The following NLRP11 variants were observed in gnomAD, a reference collection of about 807,000 sequenced individuals.
The protein encoded by NLRP11 is NLR family pyrin domain containing 11.
A neutral mutation model predicts 79.3 loss-of-function variants in NLRP11; 53 were observed. The ratio of observed to expected loss-of-function variants is 0.67; its 90% CI spans 0.54 to 0.84. The LOEUF is 0.84. Ranked by LOEUF, NLRP11 falls within the 40% of genes least tolerant of loss-of-function variation. The pLI is 0.00. For synonymous variants in NLRP11, 518 were observed against 462.6 expected, an observed-to-expected ratio of 1.12 and a Z score of -1.54; for missense variants, 1,264 against 1,255.0, an observed-to-expected ratio of 1.01 and a Z score of -0.11.
chr19:55,795,607 A>G lies in NLRP11; in HGVS notation c.2342+473T>C, dbSNP rs555069442. Among the ~76,000 whole-genome samples, 30 of 152,166 alleles carry G rather than the reference A, an allele frequency of 2.0e-4. No individual in the cohort carries two copies. In the East Asian group the frequency reaches 5.8e-3, roughly 29 times the overall value. On this transcript the variant is annotated intron_variant, in intron 6 of 9. Transcript: ENST00000589093. ...CGGGTTCAAGCAAGTCTCTTGCCTC[A>G]GCCTCTCAAGCAGCTGGGACTACAG...
chr19:55,795,780 G>A lies in NLRP11; in HGVS notation c.2342+300C>T, dbSNP rs1396314831. ...TGGAATTACAGGCGTGAGCCACCGCGTCCGGCCGTGACCACCATTTTTAAC... is the reference window on the plus strand; with the variant it reads ...TGGAATTACAGGCGTGAGCCACCGCATCCGGCCGTGACCACCATTTTTAAC... On this transcript the variant is annotated intron_variant, in intron 6 of 9. Transcript: ENST00000589093. Among the ~76,000 whole-genome samples the A allele has an allele frequency of 3.3e-5, 5 of 152,024 alleles. 1 individual carries two copies. Among genetic ancestry groups the A allele is most frequent in the African/African-American group, 4.8e-5 (2 of 41,386 alleles).
intron 4 of NLRP11, 81 bp downstream of exon 4, chr19:55,807,772 T>C (rs1215665938): frequency 1.1e-6 from 1 of 940,958 alleles, no homozygotes; most frequent in East Asian, 2.4e-5. Flanking sequence ...GTGTTTTGTA[T>C]ATTGTCTTCT....
intron 2 of NLRP11, among the ~76,000 whole-genome samples, chr19:55,812,734 T>G (rs1440942539): frequency 6.6e-6 from 1 of 152,110 alleles, no homozygotes; most frequent in Non-Finnish European, 1.5e-5. Context: ...CTGAAGCTCT[T>G]TCTTGAGAAT....
chr19:55,834,764 C>A (rs1181208167), upstream of NLRP11, among the ~76,000 whole-genome samples: 1 of 152,120 alleles, frequency 6.6e-6, no homozygotes, highest in Admixed American at 6.6e-5. Context: ...CATTTAAATA[C>A]CGTGAGGCAA....
intron 4 of NLRP11, 37 bp from the exon 5 acceptor site, chr19:55,801,776 G>A (rs776825211): frequency 1.0e-5 from 16 of 1,572,506 alleles, no homozygotes; most frequent in Admixed American, 1.7e-5. Context: ...CACTAGTGAA[G>A]GTCTGAACAT....
At chr19:55,790,135 G>A (rs10451453) in intron 7 of NLRP11, among the ~76,000 whole-genome samples, 19,298 of 152,136 alleles carry the variant, frequency 0.13, 1,325 homozygotes, top group Non-Finnish European at 0.16. Context: ...TGTCAATGAG[G>A]TGACATTGAC....
intron 1 of NLRP11, 138 bp from the exon 2 acceptor site, chr19:55,818,374 T>C: frequency 1.8e-6 from 1 of 568,436 alleles, no homozygotes; most frequent in Non-Finnish European, 3.1e-6. Flanking sequence ...GAACTCTTTC[T>C]GTCTGGGTCA....
chr19:55,796,321 A>T, intron 5 of NLRP11, 71 bp from the exon 6 acceptor site: 1 of 1,270,990 alleles, frequency 7.9e-7, no homozygotes, highest in East Asian at 2.4e-5. Context: ...ATTAAAAAAA[A>T]AAAAAAAGAG....
chr19:55,807,497 C>T (rs960267994), intron 4 of NLRP11, among the ~76,000 whole-genome samples: 3 of 151,936 alleles, frequency 2.0e-5, no homozygotes, highest in Non-Finnish European at 2.9e-5. Flanking sequence ...TATATGAAGC[C>T]GTATGAAGAC....
intron 1 of NLRP11, among the ~76,000 whole-genome samples, chr19:55,821,356 G>A (rs555377432): frequency 1.2e-4 from 19 of 152,178 alleles, no homozygotes; most frequent in African/African-American, 3.4e-4. Flanking sequence ...TGACTCTGCC[G>A]GGAGAGGACA....
Position 55,809,308 on chromosome 19 carries a change from A to G in NLRP11, c.1302T>C (p.Asn434=), listed in dbSNP as rs777293287. 1.4e-5 allele frequency: 23 copies of G among 1,614,094 alleles called. No individual in the cohort carries two copies. The South Asian group carries it at 2.5e-4, about 18-fold the overall frequency. Reference sequence around the variant, plus strand: ...TATGAGTGTTGCTCGGCAAAAGAATATTCGCGGCCTGCAACACAGAGACAT... The same window carrying G: ...TATGAGTGTTGCTCGGCAAAAGAATGTTCGCGGCCTGCAACACAGAGACAT... Residue 434 remains asparagine, a synonymous_variant, in exon 3 of 10, where the codon AAT becomes AAC. Coordinates refer to ENST00000589093, the Ensembl canonical transcript of NLRP11. This position sits in a 1 kb window ranked among gnomAD's most constrained non-coding sequence, Gnocchi z 4.5.
At chr19:55,797,575 T>C (rs1414932765) in intron 5 of NLRP11, among the ~76,000 whole-genome samples, 1 of 152,200 alleles carries the variant, frequency 6.6e-6, no homozygotes, top group African/African-American at 2.4e-5. Context: ...TGATCAGTTC[T>C]TTATAGAAAG....
chr19:55,797,349 G>A (rs540371628), intron 5 of NLRP11, among the ~76,000 whole-genome samples: 1 of 152,248 alleles, frequency 6.6e-6, no homozygotes, highest in South Asian at 2.1e-4. Context: ...TCTTTCCCCA[G>A]ATAGCTGCAT....
chr19:55,828,828 C>T (rs16986669), intron 1 of NLRP11, among the ~76,000 whole-genome samples: 13,314 of 152,114 alleles, frequency 0.088, 871 homozygotes, highest in East Asian at 0.23. Flanking sequence ...ATAAGCTTTA[C>T]GTGTCGTGAC....
At chr19:55,827,813 T>C (rs1982375283) in intron 1 of NLRP11, among the ~76,000 whole-genome samples, 1 of 147,042 alleles carries the variant, frequency 6.8e-6, no homozygotes, top group Admixed American at 6.7e-5. Flanking sequence ...TTTACACTGT[T>C]GGTGGGACTG....
chr19:55,789,102 T>C lies in NLRP11; in HGVS notation c.2685-125A>G, dbSNP rs878870424. 7.3e-6 allele frequency: 10 copies of C among 1,376,786 alleles called. No homozygotes were observed. In the South Asian group the frequency reaches 9.2e-5, roughly 13 times the overall value. The allele number at this position is 1,376,786 out of a possible 1,614,324, so 85.3% of individuals were successfully genotyped here. A position where few individuals can be genotyped will look rare whatever the true frequency, so the allele number is the denominator to read the frequency against. On this transcript the variant is annotated intron_variant, in intron 8 of 9. Transcript: ENST00000589093. ...TTGGGCAAAAGAACTGACTGTGCAA[T>C]AAGAGTCCCATTTCAAACACTAGAC...
chr19:55,808,098 G>C, intron 3 of NLRP11, 84 bp from the exon 4 acceptor site: 1 of 910,782 alleles, frequency 1.1e-6, no homozygotes, highest in South Asian at 1.7e-5. Context: ...AGTATGTTTT[G>C]AGAGTGCCTG....
At chr19:55,801,724 C>T (rs1233232122) in exon 5 of NLRP11, 8 of 1,614,076 alleles carry the variant, frequency 5.0e-6, no homozygotes, top group Non-Finnish European at 5.9e-6. Context: ...CAGAAGCAGT[C>T]GAGACATAGG....
chr19:55,811,303 G>C lies in NLRP11; in HGVS notation c.272-965C>G, dbSNP rs10401836. Among the ~76,000 whole-genome samples, 717 of 152,302 alleles carry C rather than the reference G, an allele frequency of 4.7e-3. 9 individuals carry two copies. The highest frequency in any genetic ancestry group is 0.017 in the African/African-American group (691 of 41,552). On this transcript the variant is annotated intron_variant, in intron 2 of 9. Coordinates refer to ENST00000589093, the Ensembl canonical transcript of NLRP11. ...GACATAAGTATAAAGCTGTCATAGAGGTATGATACAGAAATGATCCAAATA... is the reference window on the plus strand; with the variant it reads ...GACATAAGTATAAAGCTGTCATAGACGTATGATACAGAAATGATCCAAATA...
Sources: allele counts gnomAD v4.1 joint callset (sites outside exome capture counted in the v4.1 genomes callset), GRCh38; gene constraint gnomAD v4.1.1; non-coding constraint Gnocchi (gnomAD v3.1); transcripts MANE v1.5; gene names NCBI Gene and HGNC (gene_info 2026-07-23, HGNC 2026-07-21).